KCNH5: variants seen among roughly 807,000 people sequenced by gnomAD.
KCNH5 encodes the protein voltage-gated delayed rectifier potassium channel KCNH5.
Under a neutral mutation model 96.1 loss-of-function variants are expected in KCNH5, and 46 were observed. The observed-to-expected ratio is 0.48, with a 90% CI of 0.38 to 0.61. KCNH5 has a LOEUF of 0.61. Ranked by LOEUF, KCNH5 falls within the 20% of genes least tolerant of loss-of-function variation. KCNH5 has a pLI of 0.00. For missense variants in KCNH5, 907 were observed against 1,225.8 expected (o/e 0.74, Z 3.88); for synonymous variants, 439 against 449.8 (o/e 0.98, Z 0.30).
In KCNH5 at chr14:62,707,839, C is replaced by G. The variant is rs1489029574; in HGVS notation, c.2636G>C (p.Gly879Ala). The G allele has an allele frequency of 6.2e-7, 1 of 1,614,074 alleles. No individual in the cohort carries two copies. The highest frequency in any genetic ancestry group is 1.1e-5 in the South Asian group (1 of 91,076). Reference protein sequence around the residue: ...TKSDLRLDKAGEARSPLEHSP... With the variant: ...TKSDLRLDKAAEARSPLEHSP... ...GTGCTCTAGCGGACTTCGGGCCTCC[C>G]CAGCCTTATCCAAACGAAGGTCACT... Residue 879 changes from glycine (G) to alanine (A), a missense_variant, in exon 11 of 11, where the codon GGG becomes GCG. This residue lies in a region of KCNH5 where 362 missense variants were observed against 394.4 expected (regional missense o/e 0.92). Transcript: ENST00000322893.
chr14:62,937,572 A>G (rs1889709319), intron 7 of KCNH5, among the ~76,000 whole-genome samples: 1 of 152,232 alleles, frequency 6.6e-6, no homozygotes, highest in Non-Finnish European at 1.5e-5. Flanking sequence ...AGTAAAAGGA[A>G]GGCCATCTGC....
At chr14:62,815,396 A>G (rs1346320492) in intron 8 of KCNH5, among the ~76,000 whole-genome samples, 1 of 152,130 alleles carries the variant, frequency 6.6e-6, no homozygotes, top group Non-Finnish European at 1.5e-5. Context: ...CAAACTATTT[A>G]TTTATAATAT....
At chr14:62,936,780 T>C (rs1331702729) in intron 7 of KCNH5, among the ~76,000 whole-genome samples, 1 of 151,242 alleles carries the variant, frequency 6.6e-6, no homozygotes, top group Non-Finnish European at 1.5e-5. Flanking sequence ...GTTCAAGACC[T>C]GCCTGACCAA....
At chr14:62,978,555 C>A (rs1890545378) in intron 6 of KCNH5, among the ~76,000 whole-genome samples, 2 of 150,734 alleles carry the variant, frequency 1.3e-5, no homozygotes, top group African/African-American at 2.4e-5. Flanking sequence ...CCCCTGCACT[C>A]CTGCTTGAGC....
At chr14:62,809,332 C>T (rs1886828814) in intron 8 of KCNH5, among the ~76,000 whole-genome samples, 1 of 152,082 alleles carries the variant, frequency 6.6e-6, no homozygotes, top group Non-Finnish European at 1.5e-5. Flanking sequence ...GGTTATTTTA[C>T]CAAGACTTTG....
At chr14:62,985,848 A>G (rs2139573793) in intron 5 of KCNH5, among the ~76,000 whole-genome samples, 1 of 152,228 alleles carries the variant, frequency 6.6e-6, no homozygotes, top group South Asian at 2.1e-4. Flanking sequence ...GGGGCTCTTC[A>G]AACTTTGTAT....
At chr14:62,985,190 T>A (rs995132287) in intron 5 of KCNH5, among the ~76,000 whole-genome samples, 2 of 152,178 alleles carry the variant, frequency 1.3e-5, no homozygotes, top group Admixed American at 1.3e-4. Flanking sequence ...AATATTGTGA[T>A]TATTATTACT....
At chr14:62,799,305 G>A (rs1048114990) in intron 9 of KCNH5, among the ~76,000 whole-genome samples, 14 of 151,924 alleles carry the variant, frequency 9.2e-5, no homozygotes, top group East Asian at 5.8e-4. Context: ...AGTTGGGCGC[G>A]GTGGCTGACA....
intron 10 of KCNH5, among the ~76,000 whole-genome samples, chr14:62,769,716 A>G (rs1233991320): frequency 2.0e-5 from 3 of 152,356 alleles, no homozygotes; most frequent in African/African-American, 7.2e-5. Context: ...TTTTTAGATA[A>G]CAGTGATTAT....
chr14:62,996,076 A>C (rs1477804657), intron 4 of KCNH5, among the ~76,000 whole-genome samples: 1 of 152,180 alleles, frequency 6.6e-6, no homozygotes, highest in Non-Finnish European at 1.5e-5. Flanking sequence ...TTATCATGTC[A>C]TCGCACCCAT....
At chr14:63,003,624 A>ATATATATATATATATATT (rs1491457497) in intron 3 of KCNH5, among the ~76,000 whole-genome samples, 5 of 92,810 alleles carry the variant, frequency 5.4e-5, no homozygotes, top group African/African-American at 2.4e-4. Flanking sequence ...ATATATATAT[A>ATATATATATATATATATT]TTTTTTTTTT....
chr14:62,903,161 A>G (rs888998348), intron 7 of KCNH5, among the ~76,000 whole-genome samples: 2 of 152,210 alleles, frequency 1.3e-5, no homozygotes, highest in African/African-American at 4.8e-5. Flanking sequence ...AGTACAATAC[A>G]GTAGCCCTTC....
intron 10 of KCNH5, among the ~76,000 whole-genome samples, chr14:62,776,742 G>C (rs188200336): frequency 6.6e-6 from 1 of 152,288 alleles, no homozygotes; most frequent in East Asian, 1.9e-4. Flanking sequence ...TATAGCTCTA[G>C]AATTTTTACA....
At chr14:62,862,446 G>C (rs887652117) in intron 7 of KCNH5, among the ~76,000 whole-genome samples, 3 of 151,928 alleles carry the variant, frequency 2.0e-5, no homozygotes, top group African/African-American at 7.3e-5. Context: ...GTTCCCTTGT[G>C]GTGGGTTTAA....
intron 6 of KCNH5, among the ~76,000 whole-genome samples, chr14:62,969,828 GAGGC>G (rs1337232494): frequency 7.1e-6 from 1 of 141,494 alleles, no homozygotes; most frequent in African/African-American, 2.7e-5. Flanking sequence ...TTGGGAGGCT[GAGGC>G]AGGCAGATCA....
chr14:62,872,216 T>C (rs1036364852), intron 7 of KCNH5, among the ~76,000 whole-genome samples: 2 of 152,166 alleles, frequency 1.3e-5, no homozygotes, highest in African/African-American at 4.8e-5. Context: ...GATGAAAAAA[T>C]AGTCTCAGTC....
intron 6 of KCNH5, among the ~76,000 whole-genome samples, chr14:62,953,483 G>C (rs553790620): frequency 6.6e-6 from 1 of 152,052 alleles, no homozygotes; most frequent in Admixed American, 6.6e-5. Context: ...AATGTCTGCC[G>C]TGCGTTTCCT....
chr14:62,895,896 A>C (rs2140088867), intron 7 of KCNH5, among the ~76,000 whole-genome samples: 1 of 152,208 alleles, frequency 6.6e-6, no homozygotes, highest in East Asian at 1.9e-4. Context: ...CCTTCTATGA[A>C]CTCCTGAAGC....
At chr14:62,877,173 C>A (rs944198859) in intron 7 of KCNH5, among the ~76,000 whole-genome samples, 9 of 152,054 alleles carry the variant, frequency 5.9e-5, no homozygotes, top group Admixed American at 2.0e-4. Context: ...CCCTTCCTTA[C>A]ACCTTATACA....
Sources: gnomAD v4.1 joint callset for allele counts (sites outside exome capture counted in the v4.1 genomes callset) on GRCh38, gnomAD v4.1.1 for gene constraint, gnomAD v4.1.1 regional missense constraint, MANE v1.5 for transcripts, NCBI Gene and HGNC (gene_info 2026-07-23, HGNC 2026-07-21) for gene names.